SLC30A8: variants seen among roughly 807,000 people sequenced by gnomAD.
SLC30A8 encodes proton-coupled zinc antiporter SLC30A8.
SLC30A8 carries 27 observed loss-of-function variants against 36.9 expected under a neutral mutation model. The ratio of observed to expected loss-of-function variants is 0.73; its 90% CI spans 0.54 to 1.01. The LOEUF (loss-of-function observed/expected upper bound fraction) is 1.01, where lower values mean the gene tolerates loss of function less well. SLC30A8 is among the 50% of genes least tolerant of loss of function. SLC30A8 has a pLI of 0.00. For missense variants in SLC30A8, 439 were observed against 452.0 expected, an observed-to-expected ratio of 0.97 and a Z score of 0.26; for synonymous variants, 164 against 172.4, an observed-to-expected ratio of 0.95 and a Z score of 0.38.
intron 2 of SLC30A8, among the ~76,000 whole-genome samples, chr8:117,093,356 T>TA (rs1028443104): frequency 6.6e-6 from 1 of 150,478 alleles, no homozygotes; most frequent in Non-Finnish European, 1.5e-5. Context: ...TACTCATTCT[T>TA]ATTAAGTCTT....
intron 2 of SLC30A8, among the ~76,000 whole-genome samples, chr8:117,045,236 C>A (rs190233012): frequency 1.3e-5 from 2 of 152,216 alleles, no homozygotes; most frequent in South Asian, 4.1e-4. Flanking sequence ...AGTGGAGGAA[C>A]CTTTTACAAT....
intron 1 of SLC30A8, among the ~76,000 whole-genome samples, chr8:116,960,309 CCT>C (rs1375751740): frequency 6.6e-6 from 1 of 152,096 alleles, no homozygotes; most frequent in African/African-American, 2.4e-5. Context: ...TGACATTTGA[CCT>C]TCACTTTTTT....
chr8:117,135,380 A>G lies in SLC30A8; in HGVS notation c.53A>G (p.Tyr18Cys), dbSNP rs534016412. The change falls in exon 1 of 8, where the codon TAT becomes TGT. Residue 18 changes from tyrosine to cysteine, a missense_variant. Physicochemically the swap from Tyr to Cys is radical, Grantham distance 194. Coordinates refer to ENST00000456015, the MANE Select transcript of SLC30A8 (RefSeq NM_173851.3). ...GTGAATGATAAAGCTGCCAAGATGT[A>G]TGCTTTCACACTAGAAAGGTAATAG... ...YLVNDKAAKM[Y>C]AFTLESVELQ... is the part of the protein sequence containing the mutation. The G allele has an allele frequency of 1.1e-5, 17 of 1,599,860 alleles. No individual in the cohort carries two copies. In the Admixed American group the frequency reaches 2.5e-4, roughly 24 times the overall value.
intron 2 of SLC30A8, among the ~76,000 whole-genome samples, chr8:117,044,169 AG>A (rs1817475297): frequency 6.6e-6 from 1 of 152,192 alleles, no homozygotes; most frequent in Non-Finnish European, 1.5e-5. Context: ...CCAAGTGAAG[AG>A]CCTGGGGTAA....
chr8:117,133,437 C>T (rs1420494461), upstream of SLC30A8, among the ~76,000 whole-genome samples: 2 of 151,962 alleles, frequency 1.3e-5, no homozygotes, highest in African/African-American at 4.8e-5. Context: ...ATCTGTACAT[C>T]CGTATTTGTA....
chr8:117,009,906 T>A (rs1816293477), intron 1 of SLC30A8, among the ~76,000 whole-genome samples: 1 of 152,214 alleles, frequency 6.6e-6, no homozygotes, highest in African/African-American at 2.4e-5. Context: ...ACTTCATGAT[T>A]CATTTTGTAA....
chr8:116,961,225 T>C (rs112418781), intron 1 of SLC30A8, among the ~76,000 whole-genome samples: 1,706 of 152,078 alleles, frequency 0.011, 9 homozygotes, highest in South Asian at 0.035. Context: ...GTCAGGAGAT[T>C]GAGACCATCC....
In SLC30A8 at chr8:117,115,992, GT is replaced by G. The variant is rs201443273; in HGVS notation, c.-225-19287del. ...TGTTGGTTGTGCGTTTATATTATGA[GT>G]GGCTTAAGGAGGGTTAGTAGAGATT... On this transcript the variant is annotated intron_variant, in intron 2 of 10. Transcript: ENST00000427715. Among the ~76,000 whole-genome samples, 449 of 152,192 alleles carry G rather than the reference GT, an allele frequency of 3.0e-3. 5 individuals carry two copies. The highest frequency in any genetic ancestry group is 0.01 in the African/African-American group (418 of 41,546).
chr8:117,077,196 A>G (rs62510511), intron 2 of SLC30A8, among the ~76,000 whole-genome samples: 9,118 of 152,250 alleles, frequency 0.06, 317 homozygotes, highest in East Asian at 0.12. Flanking sequence ...CTATTCACCC[A>G]ATAAAGGTGA....
chr8:117,117,932 A>G (rs1371876460), intron 2 of SLC30A8, among the ~76,000 whole-genome samples: 2 of 151,988 alleles, frequency 1.3e-5, no homozygotes, highest in African/African-American at 2.4e-5. Context: ...GATTACCTCT[A>G]TCAGAAATAG....
chr8:117,138,082 AAAAAG>A (rs1821451732), intron 1 of SLC30A8, among the ~76,000 whole-genome samples: 1 of 141,972 alleles, frequency 7.0e-6, no homozygotes, highest in African/African-American at 2.9e-5. Flanking sequence ...AAAAAAAAAG[AAAAAG>A]AAAAAAAAAA....
chr8:117,026,735 C>G (rs1816886943), intron 1 of SLC30A8, among the ~76,000 whole-genome samples: 1 of 152,294 alleles, frequency 6.6e-6, no homozygotes, highest in Admixed American at 6.5e-5. Flanking sequence ...AAAACACGTA[C>G]ATGTATTGTG....
rs77791815 is a variant in SLC30A8, at chr8:117,044,201, T to A, written c.-226+4943T>A. Among the ~76,000 whole-genome samples, 665 of 152,274 alleles carry A rather than the reference T, an allele frequency of 4.4e-3. 23 individuals are homozygous for A. The East Asian group carries it at 0.086, about 20-fold the overall frequency. ...GGTAAAGTGTTCAGGCAGAGGGGTATCCGCGTACACAAAGGCCAAGAATTC... is the reference window on the plus strand; with the variant it reads ...GGTAAAGTGTTCAGGCAGAGGGGTAACCGCGTACACAAAGGCCAAGAATTC... On this transcript the variant is annotated intron_variant, in intron 2 of 10. Transcript: ENST00000427715.
intron 1 of SLC30A8, among the ~76,000 whole-genome samples, chr8:116,997,516 A>G (rs1815862143): frequency 6.6e-6 from 1 of 151,894 alleles, no homozygotes; most frequent in African/African-American, 2.4e-5. Context: ...TTTTTAAAGT[A>G]GCTTGCTTTT....
chr8:117,125,608 C>G (rs188768608), intron 2 of SLC30A8, among the ~76,000 whole-genome samples: 32 of 151,984 alleles, frequency 2.1e-4, no homozygotes, highest in Non-Finnish European at 3.5e-4. Flanking sequence ...GCTTCCTGCT[C>G]CAGATTTTGC....
intron 6 of SLC30A8, among the ~76,000 whole-genome samples, chr8:117,166,835 C>A (rs1823082383): frequency 7.4e-6 from 1 of 135,778 alleles, no homozygotes; most frequent in African/African-American, 2.9e-5. Context: ...AGTGCAGTTG[C>A]CTTCAGTGAC....
At chr8:117,146,301 T>A (rs1821892828) in intron 1 of SLC30A8, among the ~76,000 whole-genome samples, 1 of 152,190 alleles carries the variant, frequency 6.6e-6, no homozygotes, top group Admixed American at 6.5e-5. Flanking sequence ...TTAGACCAAA[T>A]GTTATCTACC....
chr8:116,950,502 G>A (rs1295515233), upstream of SLC30A8: 1 of 152,112 alleles, frequency 6.6e-6, no homozygotes, highest in Non-Finnish European at 1.5e-5. Context: ...TTGTTTTTTG[G>A]CAACTGGAAG....
chr8:116,971,711 A>G (rs73312208), intron 1 of SLC30A8, among the ~76,000 whole-genome samples: 4,285 of 152,280 alleles, frequency 0.028, 190 homozygotes, highest in African/African-American at 0.096. Context: ...TCTGTAGACA[A>G]TGAATATTGG....
Sources: allele counts gnomAD v4.1 joint callset (sites outside exome capture counted in the v4.1 genomes callset), GRCh38; gene constraint gnomAD v4.1.1; transcripts MANE v1.5; gene names NCBI Gene and HGNC (gene_info 2026-07-23, HGNC 2026-07-21).